RBFOX1: variants seen among roughly 807,000 people sequenced by gnomAD.
The protein encoded by RBFOX1 is RNA binding fox-1 homolog 1.
Under a neutral mutation model 57.7 loss-of-function variants are expected in RBFOX1, and 8 were observed. The ratio of observed to expected loss-of-function variants is 0.14; its 90% CI spans 0.08 to 0.25. RBFOX1 has a LOEUF of 0.25. RBFOX1 is among the 10% of genes least tolerant of loss of function. RBFOX1 has a pLI of 1.00. For missense variants in RBFOX1, 611 were observed against 548.5 expected, an observed-to-expected ratio of 1.11 and a Z score of -1.14; for synonymous variants, 326 against 222.4, an observed-to-expected ratio of 1.47 and a Z score of -4.15.
At chr16:5,258,457 T>C (rs548707442) in intron 1 of RBFOX1, among the ~76,000 whole-genome samples, 1 of 152,366 alleles carries the variant, frequency 6.6e-6, no homozygotes, top group South Asian at 2.1e-4. Context: ...TTACCAGTAA[T>C]TCCTTAATAT....
intron 2 of RBFOX1, among the ~76,000 whole-genome samples, chr16:5,588,007 A>C (rs565156573): frequency 1.3e-5 from 2 of 152,228 alleles, no homozygotes; most frequent in East Asian, 1.9e-4. Flanking sequence ...CTCTCTATGC[A>C]ATAGAATATT....
At chr16:7,437,890 A>G (rs1038775993) in intron 4 of RBFOX1, among the ~76,000 whole-genome samples, 19 of 147,628 alleles carry the variant, frequency 1.3e-4, no homozygotes, top group South Asian at 2.2e-4. Flanking sequence ...ATATAGGGTC[A>G]TATTAGACAA....
intron 3 of RBFOX1, among the ~76,000 whole-genome samples, chr16:6,964,690 G>A (rs1196959010): frequency 2.0e-5 from 3 of 152,104 alleles, no homozygotes; most frequent in African/African-American, 7.3e-5. Context: ...TGCAAAAGCT[G>A]ATATCACAAA....
chr16:7,105,408 A>G (rs1047151349), intron 4 of RBFOX1, among the ~76,000 whole-genome samples: 1 of 150,756 alleles, frequency 6.6e-6, no homozygotes, highest in Non-Finnish European at 1.5e-5. Context: ...GTGATTTGTG[A>G]GATTTTGGTA....
intron 2 of RBFOX1, among the ~76,000 whole-genome samples, chr16:6,635,957 A>C (rs1357294935): frequency 6.6e-6 from 1 of 152,162 alleles, no homozygotes; most frequent in Admixed American, 6.5e-5. Context: ...ATGGGACCCA[A>C]GTTGAGAACC....
chr16:6,107,210 T>A (rs557122896), intron 1 of RBFOX1, among the ~76,000 whole-genome samples: 88 of 152,254 alleles, frequency 5.8e-4, no homozygotes, highest in African/African-American at 2.1e-3. Context: ...ATCTGTGGCC[T>A]CTTTGCTTAT....
intron 3 of RBFOX1, among the ~76,000 whole-genome samples, chr16:6,775,472 A>G (rs1395602751): frequency 6.6e-6 from 1 of 151,992 alleles, no homozygotes; most frequent in Non-Finnish European, 1.5e-5. Flanking sequence ...AAGAAAAAAA[A>G]ATAGGTGATA....
intron 1 of RBFOX1, among the ~76,000 whole-genome samples, chr16:5,418,734 T>G (rs1337162961): frequency 6.6e-6 from 1 of 152,178 alleles, no homozygotes; most frequent in Non-Finnish European, 1.5e-5. Flanking sequence ...CATCCTTTAT[T>G]TTCTTCCTTT....
chr16:7,665,644 A>G (rs2069025907), intron 13 of RBFOX1, among the ~76,000 whole-genome samples: 1 of 152,194 alleles, frequency 6.6e-6, no homozygotes, highest in South Asian at 2.1e-4. Context: ...ATGTTCATCT[A>G]GAGGTAGTTA....
chr16:6,587,833 T>G (rs941248663), intron 2 of RBFOX1, among the ~76,000 whole-genome samples: 5 of 152,200 alleles, frequency 3.3e-5, no homozygotes, highest in African/African-American at 1.2e-4. Flanking sequence ...ACATTTACTT[T>G]CTCTTTCTAC....
intron 3 of RBFOX1, among the ~76,000 whole-genome samples, chr16:5,747,265 G>T (rs1299653431): frequency 6.6e-6 from 1 of 152,196 alleles, no homozygotes; most frequent in Non-Finnish European, 1.5e-5. Flanking sequence ...GCTTTGTGAT[G>T]TGCTGCTGGA....
intron 3 of RBFOX1, among the ~76,000 whole-genome samples, chr16:6,714,133 T>C (rs954686883): frequency 1.3e-5 from 2 of 152,176 alleles, no homozygotes; most frequent in African/African-American, 4.8e-5. Context: ...TGGTAGTTTT[T>C]CCTGCACTCT....
At chr16:6,819,719 AAAAAAAAAAAAAT>A (rs1207236553) in intron 3 of RBFOX1, among the ~76,000 whole-genome samples, 9 of 145,650 alleles carry the variant, frequency 6.2e-5, no homozygotes, top group Non-Finnish European at 1.2e-4. Context: ...AAAAAAAAAA[AAAAAAAAAAAAAT>A]AACAACACCA....
At chr16:6,504,218 C>G (rs1432497771) in intron 2 of RBFOX1, among the ~76,000 whole-genome samples, 5 of 152,164 alleles carry the variant, frequency 3.3e-5, no homozygotes, top group African/African-American at 9.7e-5. Flanking sequence ...AGAGCTAGCA[C>G]CAACGGTGTT....
At chr16:6,833,505 C>G (rs989600826) in intron 3 of RBFOX1, among the ~76,000 whole-genome samples, 2 of 152,146 alleles carry the variant, frequency 1.3e-5, no homozygotes, top group African/African-American at 4.8e-5. Context: ...CAGGGAGACC[C>G]TCCTTGACTT....
chr16:6,410,612 A>G (rs897469298), intron 2 of RBFOX1, among the ~76,000 whole-genome samples: 4 of 151,946 alleles, frequency 2.6e-5, no homozygotes, highest in Non-Finnish European at 2.9e-5. Context: ...CGCACCTTCT[A>G]TTTGAGGCCC....
intron 3 of RBFOX1, among the ~76,000 whole-genome samples, chr16:5,769,475 T>C (rs899526593): frequency 5.1e-5 from 7 of 137,962 alleles, no homozygotes; most frequent in African/African-American, 1.9e-4. Flanking sequence ...AGCCCATCTC[T>C]ACTAAAAAAT....
intron 3 of RBFOX1, among the ~76,000 whole-genome samples, chr16:6,907,520 A>G (rs2070341431): frequency 6.6e-6 from 1 of 152,112 alleles, no homozygotes; most frequent in South Asian, 2.1e-4. Flanking sequence ...GAAAACTGGG[A>G]GAGAGAATCG....
chr16:5,973,993 T>G (rs1340266050), intron 4 of RBFOX1, among the ~76,000 whole-genome samples: 1 of 152,234 alleles, frequency 6.6e-6, no homozygotes, highest in Non-Finnish European at 1.5e-5. Context: ...TAAATTAATT[T>G]AACATCCTTA....
Sources: allele counts gnomAD v4.1 joint callset (sites outside exome capture counted in the v4.1 genomes callset), GRCh38; gene constraint gnomAD v4.1.1; transcripts MANE v1.5; gene names NCBI Gene and HGNC (gene_info 2026-07-23, HGNC 2026-07-21).